TMPRSS15: variants seen among roughly 807,000 people sequenced by gnomAD.
The protein encoded by TMPRSS15 is enteropeptidase.
Under a neutral mutation model 125.3 loss-of-function variants are expected in TMPRSS15, and 128 were observed. The ratio of observed to expected loss-of-function variants is 1.02; its 90% CI spans 0.89 to 1.18. TMPRSS15 has a LOEUF of 1.18. Among genes scored for constraint, TMPRSS15 ranks in the 50% most tolerant of loss-of-function variants. TMPRSS15 has a pLI of 0.00. For synonymous variants in TMPRSS15, 446 were observed against 423.2 expected (o/e 1.05, Z -0.66); for missense variants, 1,283 against 1,212.7 (o/e 1.06, Z -0.86).
chr21:18,411,271 TGACAGAAGACCCAGCTGTATATATAAG>T (rs1322233236), intron 1 of TMPRSS15, among the ~76,000 whole-genome samples: 1 of 152,136 alleles, frequency 6.6e-6, no homozygotes, highest in Non-Finnish European at 1.5e-5. Flanking sequence ...CTAGACATGT[TGACAGAAGACCCAGCTGTATATATAAG>T]GATTGACACT....
chr21:18,391,155 A>G (rs1454199733), intron 3 of TMPRSS15, among the ~76,000 whole-genome samples: 1 of 152,168 alleles, frequency 6.6e-6, no homozygotes, highest in African/African-American at 2.4e-5. Context: ...ATTCTGCTTC[A>G]GGCCCCTCCC....
chr21:18,402,719 G>A (rs1229519595), intron 1 of TMPRSS15, among the ~76,000 whole-genome samples: 1 of 152,080 alleles, frequency 6.6e-6, no homozygotes, highest in Non-Finnish European at 1.5e-5. Flanking sequence ...TCCAGAGCGG[G>A]ATTGTCTAGT....
At chr21:18,292,356 C>A (rs1378601598) in intron 21 of TMPRSS15, among the ~76,000 whole-genome samples, 3 of 152,142 alleles carry the variant, frequency 2.0e-5, no homozygotes, top group Non-Finnish European at 4.4e-5. Context: ...CTGCACTCTG[C>A]GACTGGCCTT....
chr21:18,414,356 A>T (rs577324420), intron 1 of TMPRSS15, among the ~76,000 whole-genome samples: 2 of 152,198 alleles, frequency 1.3e-5, no homozygotes, highest in South Asian at 4.2e-4. Flanking sequence ...TGAGTGTGTG[A>T]TTTTTGAACA....
upstream of TMPRSS15, among the ~76,000 whole-genome samples, chr21:18,408,687 G>T (rs527380674): frequency 3.0e-4 from 45 of 152,098 alleles, no homozygotes; most frequent in Non-Finnish European, 4.7e-4. Flanking sequence ...TTCACACACA[G>T]TCTGAGGACT....
At chr21:18,426,628 C>T (rs1196094621) in intron 1 of TMPRSS15, among the ~76,000 whole-genome samples, 2 of 151,948 alleles carry the variant, frequency 1.3e-5, no homozygotes, top group African/African-American at 4.8e-5. Flanking sequence ...TTGTTTTAGC[C>T]ACAGTTAATA....
At chr21:18,307,331 T>A (rs1001139350) in intron 18 of TMPRSS15, among the ~76,000 whole-genome samples, 2 of 152,194 alleles carry the variant, frequency 1.3e-5, no homozygotes, top group Non-Finnish European at 2.9e-5. Flanking sequence ...AAAATCTGGT[T>A]ATTTGTCTCT....
Position 18,352,320 on chromosome 21 carries a change from C to A in TMPRSS15, c.1171+583G>T, listed in dbSNP as rs547802970. On this transcript the variant is annotated intron_variant, in intron 10 of 24. Coordinates refer to ENST00000284885, the MANE Select transcript of TMPRSS15 (RefSeq NM_002772.3). ...TGAAAAATGTACTTAGAAATCACAACCTTGCCCTATTAGCATGCTTTAGAA... is the reference window on the plus strand; with the variant it reads ...TGAAAAATGTACTTAGAAATCACAAACTTGCCCTATTAGCATGCTTTAGAA... Among the ~76,000 whole-genome samples, 7 of 152,174 alleles carry A rather than the reference C, an allele frequency of 4.6e-5. No individual in the cohort carries two copies. In the East Asian group the frequency reaches 7.7e-4, roughly 17 times the overall value.
At chr21:18,399,344 A>T (rs911722824) in intron 1 of TMPRSS15, among the ~76,000 whole-genome samples, 2 of 152,130 alleles carry the variant, frequency 1.3e-5, no homozygotes, top group African/African-American at 4.8e-5. Context: ...TCCCATTAAG[A>T]GGATAATTAG....
At chr21:18,407,186 A>G (rs926237877), upstream of TMPRSS15, among the ~76,000 whole-genome samples, 1 of 152,166 alleles carries the variant, frequency 6.6e-6, no homozygotes, top group Non-Finnish European at 1.5e-5. Flanking sequence ...ATATAGAAAT[A>G]GAACAACAAG....
At chr21:18,341,880 T>C (rs2075450046) in intron 12 of TMPRSS15, among the ~76,000 whole-genome samples, 1 of 152,204 alleles carries the variant, frequency 6.6e-6, no homozygotes, top group African/African-American at 2.4e-5. Flanking sequence ...GTCATGCATA[T>C]ATATCATCTG....
intron 10 of TMPRSS15, among the ~76,000 whole-genome samples, chr21:18,347,393 T>C (rs1329477203): frequency 1.3e-5 from 2 of 152,056 alleles, no homozygotes; most frequent in East Asian, 1.9e-4. Context: ...CACGCCACCA[T>C]GGCTGGCTAA....
chr21:18,430,494 T>C (rs2076214235), intron 1 of TMPRSS15, among the ~76,000 whole-genome samples: 1 of 152,106 alleles, frequency 6.6e-6, no homozygotes, highest in African/African-American at 2.4e-5. Flanking sequence ...TTGGTGGTGG[T>C]TGCTCAACCA....
chr21:18,406,092 C>A (rs2076151005), upstream of TMPRSS15, among the ~76,000 whole-genome samples: 3 of 151,948 alleles, frequency 2.0e-5, no homozygotes, highest in South Asian at 6.2e-4. Context: ...GTCCAGAAAA[C>A]CTCCATGAGA....
intron 1 of TMPRSS15, among the ~76,000 whole-genome samples, chr21:18,409,574 A>G (rs2210231): frequency 0.3 from 44,969 of 151,736 alleles, 7,313 homozygotes; most frequent in Middle Eastern, 0.45. Context: ...TCAACTGTGT[A>G]TTTCTGTTCT....
At chr21:18,401,127 G>T (rs978826503) in intron 1 of TMPRSS15, among the ~76,000 whole-genome samples, 1 of 152,174 alleles carries the variant, frequency 6.6e-6, no homozygotes, top group Non-Finnish European at 1.5e-5. Context: ...ATACACCGTT[G>T]ATAGAAATGT....
intron 17 of TMPRSS15, among the ~76,000 whole-genome samples, chr21:18,314,335 A>G (rs566295229): frequency 1.3e-5 from 2 of 152,144 alleles, no homozygotes; most frequent in East Asian, 3.9e-4. Flanking sequence ...CTGGAGTGCA[A>G]TGGCATGATC....
intron 10 of TMPRSS15, among the ~76,000 whole-genome samples, chr21:18,345,065 G>A (rs976246659): frequency 2.6e-5 from 4 of 152,300 alleles, no homozygotes; most frequent in African/African-American, 9.6e-5. Flanking sequence ...CTGCCTATAG[G>A]TATATCAATG....
At chr21:18,456,592 AAAAT>A in intron 1 of TMPRSS15, among the ~76,000 whole-genome samples, 1 of 152,210 alleles carries the variant, frequency 6.6e-6, no homozygotes, top group Non-Finnish European at 1.5e-5. Flanking sequence ...AGATAATCTA[AAAAT>A]AGCACAAGGA....
Sources: allele counts gnomAD v4.1 joint callset (sites outside exome capture counted in the v4.1 genomes callset), GRCh38; gene constraint gnomAD v4.1.1; transcripts MANE v1.5; gene names NCBI Gene and HGNC (gene_info 2026-07-23, HGNC 2026-07-21).